The following SLC39A9 variants were observed in gnomAD, a reference collection of about 807,000 sequenced individuals.
SLC39A9 encodes the protein solute carrier family 39 member 9.
A neutral mutation model predicts 28.4 loss-of-function variants in SLC39A9; 14 were observed. That is an observed-to-expected ratio of 0.49 (90% CI 0.33 to 0.77). SLC39A9 has a LOEUF of 0.77. SLC39A9 is among the 30% of genes least tolerant of loss of function. The pLI, the probability that SLC39A9 is intolerant of heterozygous loss-of-function variation, is 0.02. For synonymous variants in SLC39A9, 119 were observed against 149.6 expected (o/e 0.80, Z 1.49); for missense variants, 283 against 381.1 (o/e 0.74, Z 2.14).
intron 2 of SLC39A9, among the ~76,000 whole-genome samples, chr14:69,437,320 T>C (rs1235225638): frequency 6.6e-6 from 1 of 152,188 alleles, no homozygotes; most frequent in Non-Finnish European, 1.5e-5. Flanking sequence ...TTTCCTGTAC[T>C]TCACTACCTC....
Position 69,399,071 on chromosome 14 carries a change from A to G in SLC39A9, c.-299A>G. 2 of 335,094 alleles carry G rather than the reference A, an allele frequency of 6.0e-6. No individual in the cohort carries two copies. The highest frequency in any genetic ancestry group is 3.8e-5 in the South Asian group (1 of 26,452). 20.8% of individuals were successfully genotyped at this position (335,094 alleles called of 1,614,324 possible). On this transcript the variant is annotated 5_prime_UTR_variant, in exon 1 of 7. Coordinates refer to ENST00000336643, the MANE Select transcript of SLC39A9 (RefSeq NM_018375.5). ...AATCGATCATTCGCACATTTTCCCC[A>G]TTGACTTTTCCCATCTCTGTTAACC...
At chr14:69,437,613 G>A (rs1269948631) in intron 2 of SLC39A9, among the ~76,000 whole-genome samples, 2 of 148,462 alleles carry the variant, frequency 1.3e-5, no homozygotes, top group Non-Finnish European at 3.0e-5. Flanking sequence ...TTTTTGAGAC[G>A]GAGTCTCACT....
intron 2 of SLC39A9, among the ~76,000 whole-genome samples, chr14:69,435,109 T>C (rs1334985854): frequency 6.6e-6 from 1 of 152,224 alleles, no homozygotes; most frequent in East Asian, 1.9e-4. Context: ...TCTATATCTT[T>C]GCTGATTTTC....
At chr14:69,411,232 A>G (rs1167914607) in intron 1 of SLC39A9, among the ~76,000 whole-genome samples, 1 of 150,822 alleles carries the variant, frequency 6.6e-6, no homozygotes, top group Non-Finnish European at 1.5e-5. Flanking sequence ...AAAAAAAAAA[A>G]CTTTAAAAAT....
At chr14:69,451,458 C>T (rs1885607950) in intron 3 of SLC39A9, among the ~76,000 whole-genome samples, 1 of 152,072 alleles carries the variant, frequency 6.6e-6, no homozygotes, top group African/African-American at 2.4e-5. Context: ...GCTTTTTTCA[C>T]TCTTCAGCAA....
At chr14:69,436,357 T>C (rs761666201) in intron 2 of SLC39A9, among the ~76,000 whole-genome samples, 13 of 152,196 alleles carry the variant, frequency 8.5e-5, no homozygotes, top group Non-Finnish European at 1.8e-4. Flanking sequence ...GTGGGTTGGG[T>C]TGATTGTCTT....
intron 2 of SLC39A9, among the ~76,000 whole-genome samples, chr14:69,430,341 C>T (rs1214204822): frequency 6.6e-6 from 1 of 152,064 alleles, no homozygotes; most frequent in Non-Finnish European, 1.5e-5. Flanking sequence ...ACATTTAATC[C>T]TATGATCTAT....
At chr14:69,441,962 T>G (rs1885068822) in intron 2 of SLC39A9, 107 bp from the exon 3 acceptor site, 4 of 1,465,566 alleles carry the variant, frequency 2.7e-6, no homozygotes, top group Admixed American at 2.6e-5. Flanking sequence ...AGTGGATGTC[T>G]TTACAGTAAA....
At chr14:69,436,494 ATTTC>A (rs1216908384) in intron 2 of SLC39A9, among the ~76,000 whole-genome samples, 1 of 152,130 alleles carries the variant, frequency 6.6e-6, no homozygotes, top group Non-Finnish European at 1.5e-5. Flanking sequence ...GAGAATGTTT[ATTTC>A]TTTTGTTTTA....
intron 2 of SLC39A9, chr14:69,441,719 T>G (rs1885058384): frequency 3.7e-6 from 3 of 808,020 alleles, no homozygotes; most frequent in Non-Finnish European, 4.5e-6. Context: ...AAAAAAACAG[T>G]GTATTTTCTG....
intron 1 of SLC39A9, among the ~76,000 whole-genome samples, chr14:69,405,839 ATAT>A (rs1410295141): frequency 2.0e-5 from 3 of 152,204 alleles, no homozygotes; most frequent in South Asian, 2.1e-4. Flanking sequence ...CTGCATAATA[ATAT>A]TAATAATGTT....
intron 1 of SLC39A9, among the ~76,000 whole-genome samples, chr14:69,409,100 A>T (rs981604798): frequency 1.3e-5 from 2 of 152,248 alleles, no homozygotes; most frequent in Admixed American, 1.3e-4. Context: ...ACAATTTTTT[A>T]AAAGACGCTG....
intron 1 of SLC39A9, among the ~76,000 whole-genome samples, chr14:69,405,559 C>G (rs979289948): frequency 1.9e-4 from 29 of 152,236 alleles, no homozygotes; most frequent in Admixed American, 1.8e-3. Context: ...TGAGACCAAC[C>G]TGGGCAACAA....
intron 3 of SLC39A9, among the ~76,000 whole-genome samples, chr14:69,443,022 G>A (rs1242601562): frequency 6.6e-6 from 1 of 152,102 alleles, no homozygotes; most frequent in Non-Finnish European, 1.5e-5. Context: ...AATTCCCCAA[G>A]ACTTTTCAAA....
intron 2 of SLC39A9, among the ~76,000 whole-genome samples, chr14:69,429,840 C>T (rs1231592198): frequency 6.6e-6 from 1 of 152,148 alleles, no homozygotes; most frequent in Non-Finnish European, 1.5e-5. Context: ...ATGAGAGTTC[C>T]AGTTCTCCCC....
chr14:69,424,921 A>C (rs903545410), intron 2 of SLC39A9, among the ~76,000 whole-genome samples: 2 of 152,362 alleles, frequency 1.3e-5, no homozygotes, highest in Admixed American at 1.3e-4. Context: ...AGAGGTAGGC[A>C]CTTCCAAATT....
chr14:69,458,314 T>C, intron 6 of SLC39A9, 49 bp from the exon 7 acceptor site: 1 of 1,600,114 alleles, frequency 6.2e-7, no homozygotes, highest in South Asian at 1.1e-5. Flanking sequence ...TTCCTGACCC[T>C]GAATTTTACT....
chr14:69,461,211 C>A lies in SLC39A9; in HGVS notation c.*2618C>A. The A allele has an allele frequency of 1.0e-6, 1 of 987,872 alleles. No homozygotes were observed. Among genetic ancestry groups the A allele is most frequent in the Non-Finnish European group, 1.2e-6 (1 of 831,504 alleles). 61.2% of individuals were successfully genotyped at this position (987,872 alleles called of 1,614,324 possible). A position where few individuals can be genotyped will look rare whatever the true frequency, so the allele number is the denominator to read the frequency against. On this transcript the variant is annotated 3_prime_UTR_variant, in exon 7 of 7. Transcript: ENST00000336643. ...TTGCTTCCATATAACCAAAGTTAAT[C>A]TTAATTGCAATTTGACTCCGTTTCC...
intron 4 of SLC39A9, 92 bp downstream of exon 4, chr14:69,453,401 T>G: frequency 1.7e-6 from 2 of 1,201,498 alleles, no homozygotes; most frequent in Non-Finnish European, 2.4e-6. Flanking sequence ...CATTGAATGC[T>G]CTTGGACTGG....
Sources: allele counts gnomAD v4.1 joint callset (sites outside exome capture counted in the v4.1 genomes callset), GRCh38; gene constraint gnomAD v4.1.1; transcripts MANE v1.5; gene names NCBI Gene and HGNC (gene_info 2026-07-23, HGNC 2026-07-21).